Variants in HYCC1 observed in about 807,000 individuals in gnomAD.
The protein encoded by HYCC1 is hyccin.
chr7:22,907,931 T>C, the HYCC1 span, among the ~76,000 whole-genome samples: 7 of 152,110 alleles, frequency 4.6e-5, no homozygotes, highest in Admixed American at 1.3e-4. Flanking sequence ...TAAATAAATA[T>C]GCAGATTTTT....
the HYCC1 span, among the ~76,000 whole-genome samples, chr7:23,002,292 A>G: frequency 6.6e-6 from 1 of 151,644 alleles, no homozygotes; most frequent in Non-Finnish European, 1.5e-5. Flanking sequence ...TGGGCATGTA[A>G]AAGATATACT....
chr7:22,905,151 G>A, the HYCC1 span, among the ~76,000 whole-genome samples: 1 of 152,082 alleles, frequency 6.6e-6, no homozygotes, highest in Non-Finnish European at 1.5e-5. Context: ...CCACCCCCGT[G>A]ATCCAAACAC....
chr7:22,912,228 C>G, the HYCC1 span, among the ~76,000 whole-genome samples: 1 of 152,144 alleles, frequency 6.6e-6, no homozygotes, highest in Admixed American at 6.5e-5. Flanking sequence ...TCAGAAGGAA[C>G]CAATAAGAGT....
At chr7:22,927,269 A>G in the HYCC1 span, among the ~76,000 whole-genome samples, 1 of 152,228 alleles carries the variant, frequency 6.6e-6, no homozygotes, top group African/African-American at 2.4e-5. Context: ...CACAATTAAA[A>G]GAACTAGAGA....
the HYCC1 span, among the ~76,000 whole-genome samples, chr7:22,923,618 T>C: frequency 6.6e-6 from 1 of 151,964 alleles, no homozygotes; most frequent in African/African-American, 2.4e-5. Context: ...AGTTTATCTT[T>C]CAAAAAAATC....
the HYCC1 span, among the ~76,000 whole-genome samples, chr7:22,954,305 C>T: frequency 6.6e-6 from 1 of 150,844 alleles, no homozygotes; most frequent in Non-Finnish European, 1.5e-5. Flanking sequence ...TTAGTACTTC[C>T]TTGCTTTATC....
At chr7:22,962,278 G>A in the HYCC1 span, among the ~76,000 whole-genome samples, 1 of 152,174 alleles carries the variant, frequency 6.6e-6, no homozygotes, top group Non-Finnish European at 1.5e-5. Flanking sequence ...TGGGCTAGCA[G>A]GAGAGTACAG....
the HYCC1 span, among the ~76,000 whole-genome samples, chr7:22,959,724 C>A: frequency 6.6e-6 from 1 of 151,844 alleles, no homozygotes. Flanking sequence ...ATGAAGCAGA[C>A]AAGAAGGGAT....
At chr7:22,915,152 AC>A in the HYCC1 span, among the ~76,000 whole-genome samples, 1 of 152,160 alleles carries the variant, frequency 6.6e-6, no homozygotes, top group African/African-American at 2.4e-5. Flanking sequence ...ACATTTTATT[AC>A]CCAATCCACT....
At chr7:22,946,297 A>T in the HYCC1 span, 13 of 696,752 alleles carry the variant, frequency 1.9e-5, no homozygotes, top group Non-Finnish European at 2.3e-5. Flanking sequence ...GATTATAGAA[A>T]ATCAAAGGAT....
the HYCC1 span, among the ~76,000 whole-genome samples, chr7:22,997,509 G>C: frequency 6.6e-6 from 1 of 152,110 alleles, no homozygotes; most frequent in Non-Finnish European, 1.5e-5. Context: ...AGCGCTACCA[G>C]AAGATTATCA....
chr7:22,996,942 G>C, the HYCC1 span, among the ~76,000 whole-genome samples: 1 of 152,250 alleles, frequency 6.6e-6, no homozygotes, highest in African/African-American at 2.4e-5. Context: ...AGATAAAAGA[G>C]ACAATTAAAA....
chr7:22,965,638 G>GT, the HYCC1 span, among the ~76,000 whole-genome samples: 37 of 150,612 alleles, frequency 2.5e-4, no homozygotes, highest in Admixed American at 4.0e-4. Flanking sequence ...ATTATTATTA[G>GT]TTTTTTAAAG....
At chr7:23,011,852 T>C in the HYCC1 span, among the ~76,000 whole-genome samples, 1 of 152,178 alleles carries the variant, frequency 6.6e-6, no homozygotes, top group Non-Finnish European at 1.5e-5. Flanking sequence ...CTTGGCAAAA[T>C]CATATCATCC....
the HYCC1 span, among the ~76,000 whole-genome samples, chr7:22,909,603 G>A: frequency 3.9e-5 from 6 of 152,182 alleles, no homozygotes; most frequent in East Asian, 3.9e-4. Context: ...TCCTTCTAGC[G>A]GGTTATTAAC....
the HYCC1 span, chr7:22,978,241 G>C: frequency 6.8e-6 from 11 of 1,607,004 alleles, no homozygotes; most frequent in African/African-American, 1.1e-4. Context: ...TGTCAAAAAA[G>C]ATTTTGTTAA....
chr7:22,993,394 A>G, the HYCC1 span, among the ~76,000 whole-genome samples: 1 of 152,188 alleles, frequency 6.6e-6, no homozygotes, highest in Non-Finnish European at 1.5e-5. Flanking sequence ...GAAAAGGATA[A>G]ACTGGACTTC....
chr7:22,934,001 T>C, the HYCC1 span, among the ~76,000 whole-genome samples: 135 of 152,312 alleles, frequency 8.9e-4, no homozygotes, highest in African/African-American at 3.0e-3. Context: ...GACTTGAAGC[T>C]AAGTTACAAT....
the HYCC1 span, among the ~76,000 whole-genome samples, chr7:22,903,678 A>G: frequency 6.6e-6 from 1 of 152,230 alleles, no homozygotes; most frequent in African/African-American, 2.4e-5. Context: ...TCAGAAAATA[A>G]AGCAGGAGGA....
Sources: gnomAD v4.1 joint callset for allele counts (sites outside exome capture counted in the v4.1 genomes callset) on GRCh38, gnomAD v4.1.1 for gene constraint, MANE v1.5 for transcripts, NCBI Gene and HGNC (gene_info 2026-07-23, HGNC 2026-07-21) for gene names.